The following MAGI1 variants were observed in gnomAD, a reference collection of about 807,000 sequenced individuals.
The protein encoded by MAGI1 is membrane associated guanylate kinase, WW and PDZ domain containing 1.
A neutral mutation model predicts 139.9 loss-of-function variants in MAGI1; 58 were observed. The ratio of observed to expected loss-of-function variants is 0.41; its 90% CI spans 0.34 to 0.52. The LOEUF (loss-of-function observed/expected upper bound fraction) is 0.52, where lower values mean the gene tolerates loss of function less well. Among genes scored for constraint, MAGI1 ranks in the 20% least tolerant of loss-of-function variants. The probability of loss-of-function intolerance (pLI) is 0.12; values close to 1 mark genes in which losing one functional copy is unlikely to be tolerated. For synonymous variants in MAGI1, 812 were observed against 737.9 expected (o/e 1.10, Z -1.63); for missense variants, 1,874 against 1,901.6 (o/e 0.99, Z 0.27).
chr3:65,543,408 C>G (rs532904000), intron 2 of MAGI1, among the ~76,000 whole-genome samples: 1 of 152,070 alleles, frequency 6.6e-6, no homozygotes, highest in Non-Finnish European at 1.5e-5. Flanking sequence ...TGGGTATATA[C>G]CCAAAGGATT....
chr3:65,900,308 C>G (rs2061167923), intron 1 of MAGI1, among the ~76,000 whole-genome samples: 1 of 152,206 alleles, frequency 6.6e-6, no homozygotes, highest in Admixed American at 6.5e-5. Context: ...AACCAACCTT[C>G]AAGATAACTT....
chr3:65,734,521 GAGAA>G (rs1157292166), intron 1 of MAGI1, among the ~76,000 whole-genome samples: 1 of 149,324 alleles, frequency 6.7e-6, no homozygotes, highest in Non-Finnish European at 1.5e-5. Flanking sequence ...GAAAGAAAGA[GAGAA>G]AGAGAGAGGG....
rs192290756 is a variant in MAGI1 at position 65,712,559 on chromosome 3, T to C, written c.314-90471A>G. ...ACAGAGTTTCACTCCGTCACTCAGG[T>C]TGGAGTGCAGCAGCGTGATCTCAGC... is the stretch of plus-strand genomic sequence containing the variant. On this transcript the variant is annotated intron_variant, in intron 1 of 22. Coordinates refer to ENST00000402939, the MANE Select transcript of MAGI1 (RefSeq NM_001033057.2). Among the ~76,000 whole-genome samples the C allele has an allele frequency of 5.9e-5, 9 of 152,030 alleles. No individual in the cohort carries two copies. The East Asian group carries it at 1.2e-3, about 20-fold the overall frequency.
intron 1 of MAGI1, among the ~76,000 whole-genome samples, chr3:65,947,092 T>C (rs1025134098): frequency 1.3e-5 from 2 of 152,216 alleles, no homozygotes; most frequent in Non-Finnish European, 2.9e-5. Context: ...AGACACTGAA[T>C]AACTTATAAA....
intron 1 of MAGI1, among the ~76,000 whole-genome samples, chr3:65,784,562 G>C (rs1217527231): frequency 1.3e-5 from 2 of 152,092 alleles, no homozygotes; most frequent in Admixed American, 1.3e-4. Flanking sequence ...AAAATTAGCT[G>C]GGCGCGGTGA....
chr3:65,782,613 CAAAAAAA>C (rs56367932), intron 1 of MAGI1, among the ~76,000 whole-genome samples: 36 of 60,574 alleles, frequency 5.9e-4, no homozygotes, highest in African/African-American at 1.5e-3. Context: ...ATTTCTTAAG[CAAAAAAA>C]AAAAAAAAAA....
chr3:65,918,758 G>A (rs546801629), intron 1 of MAGI1, among the ~76,000 whole-genome samples: 143 of 152,196 alleles, frequency 9.4e-4, no homozygotes, highest in Middle Eastern at 6.8e-3. Flanking sequence ...ACGCAGGTCA[G>A]CTTAAAATTA....
chr3:65,359,833 A>G, intron 22 of MAGI1: 1 of 985,638 alleles, frequency 1.0e-6, no homozygotes, highest in Non-Finnish European at 1.2e-6. Context: ...GGTTTTGAGA[A>G]GGTACACAGG....
intron 2 of MAGI1, among the ~76,000 whole-genome samples, chr3:65,563,008 C>T (rs1012760506): frequency 6.6e-6 from 1 of 152,104 alleles, no homozygotes; most frequent in Admixed American, 6.5e-5. Context: ...TTATTTGAAA[C>T]ACAGTGATAA....
At chr3:65,372,342 C>G (rs574993936) in intron 18 of MAGI1, among the ~76,000 whole-genome samples, 1 of 152,170 alleles carries the variant, frequency 6.6e-6, no homozygotes, top group Non-Finnish European at 1.5e-5. Flanking sequence ...TTTTTTTCCC[C>G]TAAGCAGTAG....
chr3:65,641,903 T>G (rs552775716), intron 1 of MAGI1, among the ~76,000 whole-genome samples: 30 of 152,292 alleles, frequency 2.0e-4, no homozygotes, highest in Non-Finnish European at 3.7e-4. Flanking sequence ...ATATGTAGTT[T>G]GAAGAACAGA....
chr3:65,875,963 A>C (rs1559967452), intron 1 of MAGI1, among the ~76,000 whole-genome samples: 1 of 152,088 alleles, frequency 6.6e-6, no homozygotes. Context: ...TGGACAGAAA[A>C]CAGTAAGAGG....
chr3:65,530,649 GTGTGTGTGTGTGTA>G (rs1220815728), intron 2 of MAGI1, among the ~76,000 whole-genome samples: 13 of 129,564 alleles, frequency 1.0e-4, no homozygotes, highest in South Asian at 4.6e-4. Context: ...GTGTGTGTGT[GTGTGTGTGTGTGTA>G]TATATATATA....
chr3:65,870,396 C>T (rs1484906646), intron 1 of MAGI1, among the ~76,000 whole-genome samples: 1 of 152,026 alleles, frequency 6.6e-6, no homozygotes, highest in Non-Finnish European at 1.5e-5. Flanking sequence ...TCCCCATGCA[C>T]CCTGATCTCT....
chr3:65,783,588 G>A (rs972767279), intron 1 of MAGI1, among the ~76,000 whole-genome samples: 2 of 152,060 alleles, frequency 1.3e-5, no homozygotes, highest in Admixed American at 6.5e-5. Flanking sequence ...CAATCTCCTT[G>A]GCTCAAGCAA....
intron 1 of MAGI1, among the ~76,000 whole-genome samples, chr3:65,733,657 G>A (rs980695565): frequency 6.6e-5 from 10 of 152,182 alleles, no homozygotes; most frequent in African/African-American, 1.4e-4. Flanking sequence ...TTTGAAGACC[G>A]TTTAAATCTT....
At chr3:65,524,003 C>T (rs1324477961) in intron 2 of MAGI1, among the ~76,000 whole-genome samples, 3 of 151,450 alleles carry the variant, frequency 2.0e-5, no homozygotes, top group Non-Finnish European at 4.4e-5. Flanking sequence ...AAAGCAAATG[C>T]TCAATGAAAC....
chr3:65,437,332 T>C, intron 9 of MAGI1, 85 bp from the exon 10 acceptor site: 1 of 812,092 alleles, frequency 1.2e-6, no homozygotes, highest in Non-Finnish European at 2.0e-6. Context: ...TTAATAATAC[T>C]CAAGGCAATA....
intron 1 of MAGI1, among the ~76,000 whole-genome samples, chr3:65,959,408 A>G (rs1348182536): frequency 6.6e-6 from 1 of 152,100 alleles, no homozygotes; most frequent in African/African-American, 2.4e-5. Flanking sequence ...CCCCAGGGCA[A>G]GGCACTATGT....
Sources: gnomAD v4.1 joint callset for allele counts (sites outside exome capture counted in the v4.1 genomes callset) on GRCh38, gnomAD v4.1.1 for gene constraint, MANE v1.5 for transcripts, NCBI Gene and HGNC (gene_info 2026-07-23, HGNC 2026-07-21) for gene names.